The following VPS13A variants were observed in gnomAD, a reference collection of about 807,000 sequenced individuals.
VPS13A encodes the protein intermembrane lipid transfer protein VPS13A.
In VPS13A, 264 loss-of-function variants were observed where a neutral mutation model predicts 390.9. The observed-to-expected ratio is 0.68, with a 90% CI of 0.61 to 0.75. The LOEUF (loss-of-function observed/expected upper bound fraction) is 0.75, where lower values mean the gene tolerates loss of function less well. Among genes scored for constraint, VPS13A ranks in the 30% least tolerant of loss-of-function variants. VPS13A has a pLI of 0.00. For synonymous variants in VPS13A, 1,231 were observed against 1,227.1 expected (o/e 1.00, Z -0.07); for missense variants, 3,409 against 3,733.9 (o/e 0.91, Z 2.27).
At chr9:77,227,989 A>T (rs147936999) in intron 16 of VPS13A, 133 bp from the exon 17 acceptor site, 1 of 639,846 alleles carries the variant, frequency 1.6e-6, no homozygotes, top group Non-Finnish European at 2.4e-6. Flanking sequence ...TTTGGGGTCA[A>T]TGTGATGATT....
chr9:77,220,663 C>T (rs1164556155), intron 12 of VPS13A, among the ~76,000 whole-genome samples: 1 of 152,018 alleles, frequency 6.6e-6, no homozygotes, highest in Non-Finnish European at 1.5e-5. Flanking sequence ...ATTACAAAAA[C>T]AAATCCTGGT....
Position 77,418,295 on chromosome 9 carries a change from GCTAA to G in VPS13A, c.*2297_*2300del, listed in dbSNP as rs765454788. 1.2e-4 allele frequency: 18 copies of G among 152,062 alleles called. No homozygotes were observed. Among genetic ancestry groups the G allele is most frequent in the Non-Finnish European group, 2.5e-4 (17 of 68,028 alleles). 9.4% of individuals were successfully genotyped at this position (152,062 alleles called of 1,614,324 possible). A position where few individuals can be genotyped will look rare whatever the true frequency, so the allele number is the denominator to read the frequency against. ...CTTGTGCCCCTTCCATGTATTATTT[GCTAA>G]CTAACTATATTACTAGGCCCTTAAT... On this transcript the variant is annotated 3_prime_UTR_variant, in exon 72 of 72. Transcript: ENST00000360280.
chr9:77,205,037 TG>T (rs1825556468), intron 3 of VPS13A, among the ~76,000 whole-genome samples: 1 of 152,228 alleles, frequency 6.6e-6, no homozygotes, highest in African/African-American at 2.4e-5. Flanking sequence ...AACATTGTTT[TG>T]TTTATGGTAC....
chr9:77,359,432 T>G (rs770623905), intron 58 of VPS13A, 30 bp downstream of exon 58: 1 of 1,536,356 alleles, frequency 6.5e-7, no homozygotes, highest in South Asian at 1.1e-5. Flanking sequence ...TCTTGTATAT[T>G]TATTTAATGT....
At chr9:77,409,556 A>AATT (rs903200012) in intron 71 of VPS13A, among the ~76,000 whole-genome samples, 1 of 152,144 alleles carries the variant, frequency 6.6e-6, no homozygotes, top group African/African-American at 2.4e-5. Context: ...CTTGAAAAAA[A>AATT]ATTAGATGAA....
Position 77,377,313 on chromosome 9 carries a change from G to A in VPS13A, c.9078-4663G>A, listed in dbSNP as rs569771834. ...CGGCTCACTGCAAGCTCCGCTTCCC[G>A]GGTTCACGCCATTCTCCTGCCTCAG... On this transcript the variant is annotated intron_variant, in intron 67 of 71. Coordinates refer to ENST00000360280, the MANE Select transcript of VPS13A (RefSeq NM_033305.3). Among the ~76,000 whole-genome samples, 303 of 138,554 alleles carry A rather than the reference G, an allele frequency of 2.2e-3. 1 individual carries two copies. The highest frequency in any genetic ancestry group is 7.7e-3 in the African/African-American group (294 of 38,364). The allele number at this position is 138,554 out of a possible 152,430, so 90.9% of individuals were successfully genotyped here. A position where few individuals can be genotyped will look rare whatever the true frequency, so the allele number is the denominator to read the frequency against.
chr9:77,384,982 G>T, intron 68 of VPS13A: 1 of 1,083,468 alleles, frequency 9.2e-7, no homozygotes, highest in East Asian at 6.2e-5. Context: ...TAATTTTGAT[G>T]TTCACTGGTT....
chr9:77,365,190 T>A (rs1307096123), intron 59 of VPS13A, among the ~76,000 whole-genome samples: 1 of 152,214 alleles, frequency 6.6e-6, no homozygotes, highest in Non-Finnish European at 1.5e-5. Flanking sequence ...TGGATTAATG[T>A]CATTTTGGGA....
chr9:77,287,013 C>T (rs568445035), intron 31 of VPS13A, among the ~76,000 whole-genome samples: 17 of 151,686 alleles, frequency 1.1e-4, no homozygotes, highest in African/African-American at 4.1e-4. Flanking sequence ...CTGTTGAACT[C>T]GGAGAGGAAC....
chr9:77,244,288 G>C (rs1037368969), intron 19 of VPS13A, among the ~76,000 whole-genome samples: 2 of 152,088 alleles, frequency 1.3e-5, no homozygotes, highest in Non-Finnish European at 2.9e-5. Flanking sequence ...ATAGAACTGA[G>C]ACAGCGTTCC....
intron 50 of VPS13A, among the ~76,000 whole-genome samples, chr9:77,341,513 T>C (rs1490476381): frequency 6.6e-6 from 1 of 152,060 alleles, no homozygotes; most frequent in Non-Finnish European, 1.5e-5. Context: ...CTGTAAAATT[T>C]GCTACTATTG....
intron 17 of VPS13A, 133 bp downstream of exon 17, chr9:77,228,397 G>T: frequency 7.8e-6 from 6 of 764,746 alleles, no homozygotes; most frequent in Middle Eastern, 4.4e-4. Context: ...CAGGAAAAAG[G>T]TTTTTTTTTT....
chr9:77,237,940 A>C (rs974206975), intron 17 of VPS13A, 62 bp from the exon 18 acceptor site: 32 of 1,319,888 alleles, frequency 2.4e-5, no homozygotes, highest in Admixed American at 3.8e-5. Flanking sequence ...AATCATTTTC[A>C]ATTTTTAAAA....
intron 52 of VPS13A, among the ~76,000 whole-genome samples, chr9:77,347,919 G>A (rs1361298748): frequency 6.6e-6 from 1 of 151,288 alleles, no homozygotes; most frequent in Non-Finnish European, 1.5e-5. Context: ...CTGAATAGGT[G>A]TTTCTTTCAG....
rs143168853 is a variant in VPS13A, at chr9:77,228,813, C to T, written c.1595+549C>T. 3.7e-3 allele frequency among the ~76,000 whole-genome samples: 559 copies of T among 152,078 alleles called. 5 individuals carry two copies. The highest frequency in any genetic ancestry group is 0.01 in the Middle Eastern group (3 of 294). On this transcript the variant is annotated intron_variant, in intron 17 of 71. Transcript: ENST00000360280. ...GAGGCCTCAGAATTGTCAGGGGAGGCGAAAGGCACCTCTTCCCTGGTGGCA... is the reference window on the plus strand; with the variant it reads ...GAGGCCTCAGAATTGTCAGGGGAGGTGAAAGGCACCTCTTCCCTGGTGGCA...
Position 77,282,184 on chromosome 9 carries a change from C to T in VPS13A, c.3028C>T (p.Leu1010Phe). The stretch of plus-strand genomic sequence containing the variant: ...AGCACTTCTGAATACAATAAATTAT[C>T]TTCATAATATCCTTCCGCAATCAGA... ...TEALLNTINY[L>F]HNILPQSEEK... is the part of the protein sequence containing the mutation. The change falls in exon 29 of 72, where the codon CTT (leucine) becomes TTT (phenylalanine). Residue 1010 changes from leucine (L) to phenylalanine (F), a missense_variant. Transcript: ENST00000360280. The T allele has an allele frequency of 1.2e-6, 2 of 1,613,174 alleles. No individual in the cohort carries two copies. Among genetic ancestry groups the T allele is most frequent in the East Asian group, 2.2e-5 (1 of 44,762 alleles).
rs1463466790 is a variant in VPS13A, at chr9:77,295,765, A to G, written c.3731A>G (p.His1244Arg). 2 of 1,614,072 alleles carry G rather than the reference A, an allele frequency of 1.2e-6. No homozygotes were observed. Among genetic ancestry groups the G allele is most frequent in the Non-Finnish European group, 1.7e-6 (2 of 1,179,972 alleles). ...CTAATTACAATGACAAATACCTTTC[A>G]TATGATAACAGAGAGCCAGAGCTCT... ...FGLITMTNTF[H>R]MITESQSSPP... The change falls in exon 33 of 72, where the codon CAT (histidine) becomes CGT (arginine). Residue 1244 changes from histidine to arginine, a missense_variant. By Grantham distance (29) the His-to-Arg change is conservative. Around this residue, in one of 5 missense-constraint regions of VPS13A, gnomAD observed 2,717 missense variants for 2,917.4 expected, o/e 0.93. Coordinates refer to ENST00000360280, the MANE Select transcript of VPS13A (RefSeq NM_033305.3).
At chr9:77,192,012 T>G (rs1180241115) in intron 1 of VPS13A, among the ~76,000 whole-genome samples, 1 of 152,196 alleles carries the variant, frequency 6.6e-6, no homozygotes, top group African/African-American at 2.4e-5. Context: ...GCTTCTTTTT[T>G]GAATCTAGGT....
chr9:77,318,356 A>C lies in VPS13A; in HGVS notation c.5078A>C (p.Lys1693Thr). 6.2e-7 allele frequency: 1 copy of C among 1,613,830 alleles called. No homozygotes were observed. Among genetic ancestry groups the C allele is most frequent in the African/African-American group, 1.3e-5 (1 of 75,004 alleles). Residue 1693 changes from lysine (K) to threonine (T), a missense_variant, in exon 41 of 72, where the codon AAG becomes ACG. Lys to Thr is a moderately conservative substitution (Grantham distance 78). Around this residue, in one of 5 missense-constraint regions of VPS13A, gnomAD observed 2,717 missense variants for 2,917.4 expected, o/e 0.93. Transcript: ENST00000360280. ...CATTTATGGGAAAAGAAGGATACAA[A>C]GACTTTAAAAATGTGGTTTCTTGAA... ...TAHLWEKKDT[K>T]TLKMWFLEES... is the part of the protein sequence containing the mutation.
Sources: allele counts gnomAD v4.1 joint callset (sites outside exome capture counted in the v4.1 genomes callset), GRCh38; gene constraint gnomAD v4.1.1; regional missense constraint gnomAD v4.1.1; transcripts MANE v1.5; gene names NCBI Gene and HGNC (gene_info 2026-07-23, HGNC 2026-07-21).